The following IL2RB variants were observed in gnomAD, a reference collection of about 807,000 sequenced individuals.
IL2RB encodes the protein interleukin 2 receptor subunit beta.
In IL2RB, 17 loss-of-function variants were observed where a neutral mutation model predicts 44.2. The ratio of observed to expected loss-of-function variants is 0.38; its 90% confidence interval spans 0.26 to 0.58. The LOEUF is 0.58. Ranked by LOEUF, IL2RB falls within the 20% of genes least tolerant of loss-of-function variation. IL2RB has a pLI of 0.63. For missense variants in IL2RB, 624 were observed against 685.5 expected (o/e 0.91, Z 1.00); for synonymous variants, 286 against 297.9 (o/e 0.96, Z 0.41).
chr22:37,167,215 C>A (rs1374396143), intron 1 of IL2RB, among the ~76,000 whole-genome samples: 1 of 152,160 alleles, frequency 6.6e-6, no homozygotes, highest in Non-Finnish European at 1.5e-5. Flanking sequence ...CCACCCTCTG[C>A]CCCTCCTGTA....
At chr22:37,136,121 A>G (rs1921676205) in intron 7 of IL2RB, 107 bp downstream of exon 7, 1 of 1,207,094 alleles carries the variant, frequency 8.3e-7, no homozygotes, top group Non-Finnish European at 1.1e-6. Flanking sequence ...TGAGGGATGG[A>G]GCTGACTGCT....
rs183922562 is a variant in IL2RB at position 37,159,876 on chromosome 22, T to C, written c.-34+15082A>G. Among the ~76,000 whole-genome samples the C allele has an allele frequency of 3.2e-3, 491 of 152,356 alleles. 1 individual carries two copies. The highest frequency in any genetic ancestry group is 6.2e-3 in the Admixed American group (95 of 15,308). On this transcript the variant is annotated intron_variant, in intron 1 of 5. Coordinates refer to the IL2RB transcript ENST00000429622. ...TGGGGGCCACCCGTTGTTATTCCCA[T>C]GGTCCCTGCATCTGCAGCCCAAAGC...
chr22:37,136,474 C>CT (rs1296609012), intron 6 of IL2RB, 81 bp from the exon 7 acceptor site: 4 of 1,425,654 alleles, frequency 2.8e-6, no homozygotes, highest in East Asian at 5.0e-5. Flanking sequence ...GAACCCCCCC[C>CT]CAACCCCTGC....
Position 37,144,179 on chromosome 22 carries a change from C to T in IL2RB, c.-7G>A, listed in dbSNP as rs971302766. The T allele has an allele frequency of 7.1e-6, 11 of 1,550,654 alleles. No individual in the cohort carries two copies. Among genetic ancestry groups the T allele is most frequent in the African/African-American group, 4.1e-5 (3 of 73,016 alleles). ...ACAGAGCAGGGGCCGCCATTACATC[C>T]ACAGGGTGGAGCCGAGGAAGGAAGC... On this transcript the variant is annotated 5_prime_UTR_variant, in exon 2 of 10. It introduces an in-frame stop codon into an upstream open reading frame of the 5' UTR. Transcript: ENST00000216223.
intron 1 of IL2RB, among the ~76,000 whole-genome samples, chr22:37,171,730 G>A (rs1923292594): frequency 6.6e-6 from 1 of 152,216 alleles, no homozygotes; most frequent in African/African-American, 2.4e-5. Flanking sequence ...CAAGCTCCAC[G>A]TGAGAAGAGA....
chr22:37,151,218 C>T (rs1922474547), upstream of IL2RB, among the ~76,000 whole-genome samples: 1 of 152,150 alleles, frequency 6.6e-6, no homozygotes, highest in Admixed American at 6.5e-5. Context: ...CCCTTTTCTC[C>T]CCACCCTCAC....
chr22:37,159,037 C>T (rs1006017656), intron 1 of IL2RB, among the ~76,000 whole-genome samples: 4 of 152,260 alleles, frequency 2.6e-5, no homozygotes, highest in Non-Finnish European at 4.4e-5. Context: ...GTACCCACAA[C>T]GGTTTCCGCT....
chr22:37,139,621 T>C (rs191686484), intron 4 of IL2RB, among the ~76,000 whole-genome samples: 2 of 152,290 alleles, frequency 1.3e-5, no homozygotes, highest in African/African-American at 4.8e-5. Context: ...ACAGGAGGCA[T>C]GCAAGCTGGT....
chr22:37,128,387 C>G lies in IL2RB; in HGVS notation c.1365G>C (p.Met455Ile). 4 of 1,509,910 alleles carry G rather than the reference C, an allele frequency of 2.6e-6. No homozygotes were observed. Among genetic ancestry groups the G allele is most frequent in the Non-Finnish European group, 3.5e-6 (4 of 1,130,242 alleles). The allele number at this position is 1,509,910 out of a possible 1,614,324, so 93.5% of individuals were successfully genotyped here. Residue 455 changes from methionine (M) to isoleucine (I), a missense_variant, in exon 10 of 10, where the codon ATG (methionine) becomes ATC (isoleucine). Around this residue, in one of 3 missense-constraint regions of IL2RB, gnomAD observed 291 missense variants for 275.5 expected, o/e 1.06. Coordinates refer to ENST00000216223, the MANE Select transcript of IL2RB (RefSeq NM_000878.5). The surrounding 1 kb of genome is among the most constrained non-coding windows in gnomAD (Gnocchi z 4.5). ...GGACTCTTTCTTGCAAAGAAGGGGG[C>G]ATCCTCTCTTCACCGGCCCCACTGC... ...PGGSGAGEER[M>I]PPSLQERVPR... is the part of the protein sequence containing the mutation.
At chr22:37,163,431 C>G (rs1044575132) in intron 1 of IL2RB, among the ~76,000 whole-genome samples, 1 of 152,128 alleles carries the variant, frequency 6.6e-6, no homozygotes, top group African/African-American at 2.4e-5. Context: ...GGTAGATACC[C>G]CAAAGAGAAA....
chr22:37,174,616 A>G (rs1033302080), intron 1 of IL2RB, among the ~76,000 whole-genome samples: 4 of 152,052 alleles, frequency 2.6e-5, no homozygotes, highest in African/African-American at 9.7e-5. Context: ...AGATCACCCC[A>G]CTTCTCTAAC....
intron 1 of IL2RB, 98 bp from the exon 2 acceptor site, chr22:37,144,303 T>A: frequency 7.1e-7 from 1 of 1,409,970 alleles, no homozygotes; most frequent in South Asian, 1.5e-5. Flanking sequence ...GTGTGCATGG[T>A]CTGCACTCCT....
chr22:37,175,094 A>T (rs2145746882), upstream of IL2RB: 1 of 152,296 alleles, frequency 6.6e-6, no homozygotes, highest in South Asian at 2.1e-4. Context: ...CAACCATCAA[A>T]ACTCGTGAGA....
chr22:37,129,537 C>T lies in IL2RB; in HGVS notation c.904-689G>A, dbSNP rs1047943351. ...CTCAGTTGCTCGGGATTCCAGAGAG[C>T]CCTGGCAAGGAGTGGGAAGACCCGG... is the stretch of plus-strand genomic sequence containing the variant. On this transcript the variant is annotated intron_variant, in intron 9 of 9. Coordinates refer to ENST00000216223, the MANE Select transcript of IL2RB (RefSeq NM_000878.5). Among the ~76,000 whole-genome samples, 4 of 146,908 alleles carry T rather than the reference C, an allele frequency of 2.7e-5. No homozygotes were observed. The East Asian group carries it at 6.2e-4, about 23-fold the overall frequency.
chr22:37,170,135 G>A (rs1319623408), intron 1 of IL2RB, among the ~76,000 whole-genome samples: 2 of 151,746 alleles, frequency 1.3e-5, no homozygotes, highest in African/African-American at 2.4e-5. Context: ...GATGGATGAA[G>A]GGATGAACAG....
At chr22:37,162,334 A>C (rs954433475) in intron 1 of IL2RB, among the ~76,000 whole-genome samples, 1 of 151,718 alleles carries the variant, frequency 6.6e-6, no homozygotes, top group African/African-American at 2.4e-5. Context: ...TTTGATAAAA[A>C]CCTCCTCTGC....
At chr22:37,153,925 C>T (rs6000586), upstream of IL2RB, among the ~76,000 whole-genome samples, 6,108 of 152,270 alleles carry the variant, frequency 0.04, 390 homozygotes, top group African/African-American at 0.14. Flanking sequence ...CATGAGACAG[C>T]ATCAGTCTGC....
intron 5 of IL2RB, among the ~76,000 whole-genome samples, chr22:37,138,837 T>A (rs1195424483): frequency 6.6e-6 from 1 of 152,140 alleles, no homozygotes; most frequent in Middle Eastern, 3.4e-3. Flanking sequence ...GAGGCAGGGA[T>A]AGGCAAGGTG....
At chr22:37,133,007 G>A (rs1921507117) in intron 8 of IL2RB, among the ~76,000 whole-genome samples, 1 of 152,242 alleles carries the variant, frequency 6.6e-6, no homozygotes, top group South Asian at 2.1e-4. Context: ...TGCTTGCTAA[G>A]CTGAGTGCCT....
Sources: gnomAD v4.1 joint callset for allele counts (sites outside exome capture counted in the v4.1 genomes callset) on GRCh38, gnomAD v4.1.1 for gene constraint, gnomAD v4.1.1 regional missense constraint, Gnocchi (gnomAD v3.1) non-coding constraint, MANE v1.5 for transcripts, NCBI Gene and HGNC (gene_info 2026-07-23, HGNC 2026-07-21) for gene names.